Variants in MRPS14 observed in about 807,000 individuals in gnomAD.
MRPS14 encodes mitochondrial ribosomal protein S14.
A neutral mutation model predicts 16.4 loss-of-function variants in MRPS14; 14 were observed. The ratio of observed to expected loss-of-function variants is 0.85; its 90% CI spans 0.56 to 1.33. MRPS14 has a LOEUF of 1.33. Ranked by LOEUF, MRPS14 falls within the 40% of genes most tolerant of loss-of-function variation. The probability of loss-of-function intolerance (pLI) is 0.00; values close to 1 mark genes in which losing one functional copy is unlikely to be tolerated. For missense variants in MRPS14, 162 were observed against 176.8 expected (o/e 0.92, Z 0.48); for synonymous variants, 54 against 61.9 (o/e 0.87, Z 0.60).
Position 175,014,731 on chromosome 1 carries a change from T to TA in MRPS14, c.324dup (p.Ile109TyrfsTer8), listed in dbSNP as rs1007550404. On this transcript the variant is annotated frameshift_variant, in exon 3 of 3. Coordinates refer to ENST00000476371, the MANE Select transcript of MRPS14 (RefSeq NM_022100.3). LOFTEE classifies it high-confidence loss of function. ...TGGTCAGCTAAGTGACGGAAGACTATACGACTAAGCCTCCAGCGCCGCTTC... is the reference window on the plus strand; with the variant it reads ...TGGTCAGCTAAGTGACGGAAGACTATAACGACTAAGCCTCCAGCGCCGCTTC... 4 of 1,613,976 alleles carry TA rather than the reference T, an allele frequency of 2.5e-6. No individual in the cohort carries two copies. The African/African-American group carries it at 5.3e-5, about 22-fold the overall frequency.
At position 175,014,704 on chromosome 1, in the gene MRPS14, C is replaced by T. The variant is rs1253168184; in HGVS notation, c.352G>A (p.Gly118Arg). The T allele has an allele frequency of 1.9e-6, 3 of 1,613,152 alleles. No individual in the cohort carries two copies. Among genetic ancestry groups the T allele is most frequent in the Non-Finnish European group, 2.5e-6 (3 of 1,179,616 alleles). Reference sequence around the variant, plus strand: ...GCTCGCTGGATCCCAGAAAGTTGCCCATGGTCAGCTAAGTGACGGAAGACT... The same window carrying T: ...GCTCGCTGGATCCCAGAAAGTTGCCTATGGTCAGCTAAGTGACGGAAGACT... ...RIVFRHLADH[G>R]QLSGIQRATW Residue 118 changes from glycine (G) to arginine (R), a missense_variant, in exon 3 of 3, where the codon GGG (glycine) becomes AGG (arginine). Gly to Arg is a moderately radical substitution (Grantham distance 125). Transcript: ENST00000476371.
At chr1:175,022,747 T>A (rs1362303200) in intron 1 of MRPS14, among the ~76,000 whole-genome samples, 1 of 151,768 alleles carries the variant, frequency 6.6e-6, no homozygotes, top group Non-Finnish European at 1.5e-5. Flanking sequence ...TGACCCATTT[T>A]TTTTGCTCTC....
intron 2 of MRPS14, among the ~76,000 whole-genome samples, chr1:175,016,880 C>T (rs1672889879): frequency 1.3e-5 from 2 of 152,086 alleles, no homozygotes; most frequent in Non-Finnish European, 2.9e-5. Flanking sequence ...CGGTGTTGTG[C>T]GTTAGCTCCA....
At chr1:175,015,012 A>G (rs1457259267) in intron 2 of MRPS14, among the ~76,000 whole-genome samples, 161 bp from the exon 3 acceptor site, 2 of 148,482 alleles carry the variant, frequency 1.3e-5, no homozygotes, top group East Asian at 3.9e-4. Flanking sequence ...CAATGTCACA[A>G]TCTCAGCTCA....
chr1:175,016,720 A>G lies in MRPS14; in HGVS notation c.204+1698T>C, dbSNP rs6657786. ...CATACAATGTCATGATTTGCTAAAC[A>G]TATACATTGTGAAATGATTACCACA... On this transcript the variant is annotated intron_variant, in intron 2 of 2. Transcript: ENST00000476371. 3.6e-3 allele frequency among the ~76,000 whole-genome samples: 551 copies of G among 152,366 alleles called. 4 individuals carry two copies. The highest frequency in any genetic ancestry group is 0.011 in the African/African-American group (472 of 41,592).
At chr1:175,018,677 T>G in intron 1 of MRPS14, 101 bp from the exon 2 acceptor site, 5 of 1,128,382 alleles carry the variant, frequency 4.4e-6, no homozygotes, top group Non-Finnish European at 6.2e-6. Context: ...TATCATTTAG[T>G]ATTCTTTTAA....
At chr1:175,020,940 A>G (rs1467957380) in intron 1 of MRPS14, among the ~76,000 whole-genome samples, 1 of 152,102 alleles carries the variant, frequency 6.6e-6, no homozygotes, top group Non-Finnish European at 1.5e-5. Flanking sequence ...TTCAGCTCCT[A>G]AAACCTTTCC....
chr1:175,021,408 CTTGT>C (rs1672975941), intron 1 of MRPS14, among the ~76,000 whole-genome samples: 1 of 152,204 alleles, frequency 6.6e-6, no homozygotes, highest in African/African-American at 2.4e-5. Context: ...GTCCTCCACT[CTTGT>C]TTAACTATTC....
In MRPS14 at chr1:175,018,408, A is replaced by G. The variant is rs1672920836; in HGVS notation, c.204+10T>C. ...TTGTGGTACAAAGGGACTCATCTTA[A>G]TTAGCTAACCTGAAGAATTTTTGGC... On this transcript the variant is annotated intron_variant, in intron 2 of 2. Coordinates refer to ENST00000476371, the MANE Select transcript of MRPS14 (RefSeq NM_022100.3). 3.2e-6 allele frequency: 5 copies of G among 1,585,730 alleles called. No individual in the cohort carries two copies. The highest frequency in any genetic ancestry group is 4.3e-6 in the Non-Finnish European group (5 of 1,168,088).
intron 1 of MRPS14, 125 bp downstream of exon 1, chr1:175,023,239 G>C: frequency 1.3e-6 from 2 of 1,551,666 alleles, no homozygotes; most frequent in Non-Finnish European, 8.7e-7. Context: ...GCGCGGAAGA[G>C]GGCGGAAGGA....
At chr1:175,015,466 C>G (rs1255377947) in intron 2 of MRPS14, among the ~76,000 whole-genome samples, 2 of 152,032 alleles carry the variant, frequency 1.3e-5, no homozygotes, top group African/African-American at 2.4e-5. Flanking sequence ...GGGAATGTGG[C>G]TTGAGATAAG....
Position 175,014,523 on chromosome 1 carries a change from A to G in MRPS14, c.*146T>C. On this transcript the variant is annotated 3_prime_UTR_variant, in exon 3 of 3. Transcript: ENST00000476371. Reference sequence around the variant, plus strand: ...GAAACACCCAAATGTCTTCATTTTAAAAGTAGTTTAGAGATAGCATCAGGT... The same window carrying G: ...GAAACACCCAAATGTCTTCATTTTAGAAGTAGTTTAGAGATAGCATCAGGT... 1 of 676,038 alleles carries G rather than the reference A, an allele frequency of 1.5e-6. No individual in the cohort carries two copies. Among genetic ancestry groups the G allele is most frequent in the South Asian group, 2.8e-5 (1 of 35,826 alleles). 41.9% of individuals were successfully genotyped at this position (676,038 alleles called of 1,614,324 possible).
rs1482939324 is a variant in MRPS14 at position 175,013,502 on chromosome 1, A to G, written c.*1167T>C. 6.6e-6 allele frequency: 1 copy of G among 152,108 alleles called. No homozygotes were observed. The highest frequency in any genetic ancestry group is 6.6e-5 in the Admixed American group (1 of 15,256). The allele number at this position is 152,108 out of a possible 1,614,324, so 9.4% of individuals were successfully genotyped here. On this transcript the variant is annotated 3_prime_UTR_variant, in exon 3 of 3. Transcript: ENST00000476371. ...TTTAAAAATCTGTCCTCTCTCCTCT[A>G]CTAATACCACAATGTTAGTTCAGGC...
intron 1 of MRPS14, among the ~76,000 whole-genome samples, chr1:175,020,271 A>G (rs2149415329): frequency 6.6e-6 from 1 of 152,328 alleles, no homozygotes; most frequent in East Asian, 1.9e-4. Flanking sequence ...AGATATATTC[A>G]TAAGATCAAG....
chr1:175,018,286 T>C, intron 2 of MRPS14, 132 bp downstream of exon 2: 1 of 878,018 alleles, frequency 1.1e-6, no homozygotes, highest in Non-Finnish European at 1.7e-6. Context: ...TCAAGACTAT[T>C]TGTTTATATT....
chr1:175,018,197 C>CTGGTAAG, intron 2 of MRPS14, among the ~76,000 whole-genome samples: 1 of 152,168 alleles, frequency 6.6e-6, no homozygotes, highest in Middle Eastern at 3.4e-3. Context: ...CCAGTACTTT[C>CTGGTAAG]TAAGGCTGGC....
At position 175,014,206 on chromosome 1, in the gene MRPS14, AATCTGTTT is replaced by A; in HGVS notation, c.*455_*462del. ...ATCCAGAACAGCAGCCTTGCTATCC[AATCTGTTT>A]ATCTAACAATAATAGTTAAGGGGAG... On this transcript the variant is annotated 3_prime_UTR_variant, in exon 3 of 3. Transcript: ENST00000476371. The A allele has an allele frequency of 5.1e-6, 1 of 195,218 alleles. No individual in the cohort carries two copies. The highest frequency in any genetic ancestry group is 1.0e-5 in the Non-Finnish European group (1 of 97,080). The allele number at this position is 195,218 out of a possible 1,614,324, so 12.1% of individuals were successfully genotyped here. A position where few individuals can be genotyped will look rare whatever the true frequency, so the allele number is the denominator to read the frequency against.
chr1:175,016,627 T>A (rs536296228), intron 2 of MRPS14, among the ~76,000 whole-genome samples: 1 of 152,096 alleles, frequency 6.6e-6, no homozygotes, highest in African/African-American at 2.4e-5. Flanking sequence ...TTCATAAAGG[T>A]ACTCAAACAA....
chr1:175,014,935 TTTC>T (rs201839540), intron 2 of MRPS14, 84 bp from the exon 3 acceptor site: 33,826 of 918,606 alleles, frequency 0.037, 996 homozygotes, highest in African/African-American at 0.094. Context: ...GTAATTTTCT[TTTC>T]TTTTTTTTTT....
Sources: gnomAD v4.1 joint callset for allele counts (sites outside exome capture counted in the v4.1 genomes callset) on GRCh38, gnomAD v4.1.1 for gene constraint, MANE v1.5 for transcripts, NCBI Gene and HGNC (gene_info 2026-07-23, HGNC 2026-07-21) for gene names.